The following CASK variants were observed in gnomAD, a reference collection of about 807,000 sequenced individuals.
CASK encodes calcium/calmodulin dependent serine protein kinase.
CASK carries 4 observed loss-of-function variants against 82.9 expected under a neutral mutation model. The observed-to-expected ratio is 0.05, with a 90% CI of 0.02 to 0.11. The LOEUF (loss-of-function observed/expected upper bound fraction) is 0.11, where lower values mean the gene tolerates loss of function less well. Ranked by LOEUF, CASK falls within the 10% of genes least tolerant of loss-of-function variation. The probability of loss-of-function intolerance (pLI) is 1.00; values close to 1 mark genes in which losing one functional copy is unlikely to be tolerated. For missense variants in CASK, 358 were observed against 720.9 expected (o/e 0.50, Z 5.76); for synonymous variants, 259 against 253.5 (o/e 1.02, Z -0.20).
At chrX:41,579,735 A>G (rs1259391532) in intron 14 of CASK, among the ~76,000 whole-genome samples, 2 of 111,965 alleles carry the variant, frequency 1.8e-5, no homozygotes, top group African/African-American at 6.5e-5. Context: ...TTTAAAAATA[A>G]TAACTCATAG....
At chrX:41,575,476 A>AT (rs2065472180) in intron 15 of CASK, among the ~76,000 whole-genome samples, 1 of 110,854 alleles carries the variant, frequency 9.0e-6, no homozygotes, top group South Asian at 3.8e-4. Flanking sequence ...CCTTTCCTCT[A>AT]TTTTGTAAGC....
chrX:41,530,818 ACT>A (rs2064791568), intron 25 of CASK, among the ~76,000 whole-genome samples, 187 bp downstream of exon 25: 1 of 112,481 alleles, frequency 8.9e-6, no homozygotes, highest in Admixed American at 9.4e-5. Flanking sequence ...TGGTGTGTGC[ACT>A]GAGTCCAACG....
At chrX:41,532,417 C>T (rs1340738765) in intron 24 of CASK, among the ~76,000 whole-genome samples, 1 of 112,107 alleles carries the variant, frequency 8.9e-6, no homozygotes, top group African/African-American at 3.2e-5. Context: ...TTGCCCACCC[C>T]TCACCTAAGT....
chrX:41,552,192 G>A (rs1212812298), intron 21 of CASK, among the ~76,000 whole-genome samples: 2 of 108,733 alleles, frequency 1.8e-5, no homozygotes, highest in Admixed American at 9.9e-5. Flanking sequence ...CCACCTCGGC[G>A]TCCCAGAGTG....
chrX:41,622,380 T>G lies in CASK; in HGVS notation c.1033+237A>C, dbSNP rs188155801. On this transcript the variant is annotated intron_variant, in intron 11 of 26. Transcript: ENST00000378163. ...TGAAGTATTAAATGCCGTTGAAATT[T>G]TAACACTGTCTTTTTTCCTCTTATG... Among the ~76,000 whole-genome samples, 125 of 112,511 alleles carry G rather than the reference T, an allele frequency of 1.1e-3. 2 individuals carry two copies. The highest frequency in any genetic ancestry group is 0.011 in the Admixed American group (113 of 10,584).
intron 2 of CASK, among the ~76,000 whole-genome samples, chrX:41,818,473 C>T (rs2070458402): frequency 9.2e-6 from 1 of 108,973 alleles, no homozygotes; most frequent in Admixed American, 9.9e-5. Context: ...TGTGATGGTG[C>T]ACGCCTGTAG....
intron 12 of CASK, among the ~76,000 whole-genome samples, chrX:41,605,234 A>G (rs999659678): frequency 3.0e-4 from 34 of 111,842 alleles, no homozygotes; most frequent in African/African-American, 1.0e-3. Flanking sequence ...GCTCAGTGGG[A>G]TTAATTAGCC....
chrX:41,908,074 G>A (rs1292917237), intron 1 of CASK, among the ~76,000 whole-genome samples: 1 of 111,243 alleles, frequency 9.0e-6, no homozygotes, highest in Non-Finnish European at 1.9e-5. Context: ...ACTGGTCAGC[G>A]GCCCAAGGGT....
At chrX:41,604,344 T>C (rs2065931573) in intron 12 of CASK, among the ~76,000 whole-genome samples, 1 of 98,973 alleles carries the variant, frequency 1.0e-5, no homozygotes, top group Non-Finnish European at 2.0e-5. Context: ...GATTAGGGTG[T>C]CCAATGACTG....
rs774433205 is a variant in CASK, at chrX:41,531,038, C to T, written c.2489G>A (p.Gly830Glu). The T allele has an allele frequency of 4.1e-6, 5 of 1,209,699 alleles. No individual in the cohort carries two copies. The Admixed American group carries it at 8.7e-5, about 21-fold the overall frequency. ...CTCCACGTCCAGTATTGCAATCAGC[C>T]CCTGCTCGTGGATCTTCCGGATGGT... Reference protein sequence around the residue: ...LETIRKIHEQGLIAILDVEPQ... With the variant: ...LETIRKIHEQELIAILDVEPQ... Residue 830 changes from glycine to glutamate, a missense_variant, in exon 25 of 27, where the codon GGG becomes GAG. By Grantham distance (98) the Gly-to-Glu change is moderately conservative. Coordinates refer to ENST00000378163, the MANE Select transcript of CASK (RefSeq NM_001367721.1).
chrX:41,602,575 TG>T (rs1432423158), intron 12 of CASK, among the ~76,000 whole-genome samples: 1 of 110,982 alleles, frequency 9.0e-6, no homozygotes, highest in African/African-American at 3.3e-5. Flanking sequence ...CTTCATGCCC[TG>T]AATTTCTTTT....
chrX:41,831,419 C>T (rs1234240967), intron 2 of CASK, among the ~76,000 whole-genome samples: 2 of 111,839 alleles, frequency 1.8e-5, no homozygotes, highest in Non-Finnish European at 3.8e-5. Context: ...GAAGATAAGA[C>T]AACAGATATG....
At chrX:41,847,883 T>A (rs1024049328) in intron 2 of CASK, among the ~76,000 whole-genome samples, 2 of 112,109 alleles carry the variant, frequency 1.8e-5, no homozygotes, top group Admixed American at 1.9e-4. Flanking sequence ...ATTTCTACCT[T>A]ATCATTCAAT....
chrX:41,589,471 C>T (rs369229899), intron 13 of CASK, 44 bp downstream of exon 13: 89 of 958,290 alleles, frequency 9.3e-5, no homozygotes, highest in Non-Finnish European at 1.3e-4. Flanking sequence ...ATAAAGGTGG[C>T]AAATATGATG....
intron 2 of CASK, among the ~76,000 whole-genome samples, chrX:41,822,404 A>G (rs2070563971): frequency 9.2e-6 from 1 of 108,704 alleles, no homozygotes. Flanking sequence ...CTAAAACACA[A>G]AAGATTAGCT....
intron 3 of CASK, among the ~76,000 whole-genome samples, chrX:41,772,765 C>A (rs2069269433): frequency 9.0e-6 from 1 of 110,779 alleles, no homozygotes; most frequent in African/African-American, 3.3e-5. Context: ...TTTAGGAGGC[C>A]GAGGCGGGCG....
chrX:41,696,567 A>G (rs2067692521), intron 5 of CASK: 3 of 1,205,420 alleles, frequency 2.5e-6, no homozygotes, highest in Non-Finnish European at 3.4e-6. Flanking sequence ...CAATGAGATC[A>G]TGCTGGTTCT....
rs145193206 is a variant in CASK at position 41,637,997 on chromosome X, C to T, written c.832-1336G>A. Among the ~76,000 whole-genome samples the T allele has an allele frequency of 4.8e-3, 532 of 111,391 alleles. 2 individuals are homozygous for T. Among genetic ancestry groups the T allele is most frequent in the African/African-American group, 0.016 (499 of 30,636 alleles). ...TACTCTTCTCCCCACTTTGGTCCTACTCTAATTTGCCAATGTATCTTGAGG... is the reference window on the plus strand; with the variant it reads ...TACTCTTCTCCCCACTTTGGTCCTATTCTAATTTGCCAATGTATCTTGAGG... On this transcript the variant is annotated intron_variant, in intron 8 of 26. Coordinates refer to ENST00000378163, the MANE Select transcript of CASK (RefSeq NM_001367721.1).
intron 8 of CASK, among the ~76,000 whole-genome samples, chrX:41,649,666 C>T (rs927031134): frequency 8.9e-6 from 1 of 111,800 alleles, no homozygotes; most frequent in Non-Finnish European, 1.9e-5. Context: ...GAGTGCTTTA[C>T]TTCCAACTGT....
Sources: gnomAD v4.1 joint callset for allele counts (sites outside exome capture counted in the v4.1 genomes callset) on GRCh38, gnomAD v4.1.1 for gene constraint, MANE v1.5 for transcripts, NCBI Gene and HGNC (gene_info 2026-07-23, HGNC 2026-07-21) for gene names.